Variants in CEP112 observed in about 807,000 individuals in gnomAD.
The protein encoded by CEP112 is centrosomal protein 112.
A neutral mutation model predicts 153.0 loss-of-function variants in CEP112; 127 were observed. The observed-to-expected ratio is 0.83, with a 90% CI of 0.72 to 0.96. The LOEUF is 0.96. Among genes scored for constraint, CEP112 ranks in the 40% least tolerant of loss-of-function variants. The probability of loss-of-function intolerance (pLI) is 0.00; values close to 1 mark genes in which losing one functional copy is unlikely to be tolerated. For missense variants in CEP112, 1,089 were observed against 1,101.2 expected (o/e 0.99, Z 0.16); for synonymous variants, 358 against 374.4 (o/e 0.96, Z 0.51).
chr17:65,735,743 C>T (rs181273072), intron 23 of CEP112, among the ~76,000 whole-genome samples: 115 of 152,244 alleles, frequency 7.6e-4, no homozygotes, highest in African/African-American at 2.7e-3. Flanking sequence ...TTTTACCCAC[C>T]ACTGCTTCTA....
chr17:65,953,780 T>A (rs980051158), intron 18 of CEP112, among the ~76,000 whole-genome samples: 5 of 151,936 alleles, frequency 3.3e-5, no homozygotes, highest in African/African-American at 1.2e-4. Flanking sequence ...CACACTCCCA[T>A]CCCCCGCAGC....
rs2066431808 is a variant in CEP112 at position 66,051,340 on chromosome 17, T to G, written c.1218+2396A>C. Among the ~76,000 whole-genome samples the G allele has an allele frequency of 2.0e-5, 3 of 149,158 alleles. No homozygotes were observed. The South Asian group carries it at 6.3e-4, about 31-fold the overall frequency. ...TCATTTTTGAACATAATATTAACAA[T>G]GATCTGAGTGTTTATTATTGTGTAT... On this transcript the variant is annotated intron_variant, in intron 12 of 26. Coordinates refer to ENST00000535342, the MANE Select transcript of CEP112 (RefSeq NM_001199165.4).
At chr17:65,920,359 C>CAAACAAACAAA (rs1178505560) in intron 19 of CEP112, among the ~76,000 whole-genome samples, 6 of 29,838 alleles carry the variant, frequency 2.0e-4, no homozygotes, top group African/African-American at 6.5e-4. Context: ...AACAAACAAA[C>CAAACAAACAAA]AAAATATATA....
chr17:66,161,615 A>G (rs1427617904), intron 4 of CEP112, among the ~76,000 whole-genome samples: 2 of 152,136 alleles, frequency 1.3e-5, no homozygotes, highest in Admixed American at 6.5e-5. Context: ...GTTCTCACTC[A>G]TAAGTGGGAG....
At chr17:65,712,479 C>G (rs2049247450) in intron 23 of CEP112, among the ~76,000 whole-genome samples, 1 of 151,396 alleles carries the variant, frequency 6.6e-6, no homozygotes. Flanking sequence ...GAAATAGTTT[C>G]AAGTACTTTT....
At chr17:65,642,906 T>G (rs1048356392) in intron 24 of CEP112, among the ~76,000 whole-genome samples, 1 of 152,236 alleles carries the variant, frequency 6.6e-6, no homozygotes, top group Non-Finnish European at 1.5e-5. Context: ...TATTTCCTTT[T>G]TAAACAAATT....
At chr17:66,139,303 T>C (rs577051131) in intron 4 of CEP112, among the ~76,000 whole-genome samples, 7 of 152,156 alleles carry the variant, frequency 4.6e-5, no homozygotes, top group African/African-American at 1.2e-4. Flanking sequence ...ACACTCAATT[T>C]AACAGAAATA....
chr17:66,050,613 G>A (rs1004264091), intron 12 of CEP112, among the ~76,000 whole-genome samples: 1 of 152,096 alleles, frequency 6.6e-6, no homozygotes, highest in Non-Finnish European at 1.5e-5. Flanking sequence ...AAATTACAAA[G>A]AAGAGTATAA....
At chr17:65,901,641 G>C (rs1327559713) in intron 20 of CEP112, among the ~76,000 whole-genome samples, 1 of 152,098 alleles carries the variant, frequency 6.6e-6, no homozygotes, top group Non-Finnish European at 1.5e-5. Flanking sequence ...GACCTGATGG[G>C]AAATAGCCCT....
intron 12 of CEP112, among the ~76,000 whole-genome samples, chr17:66,032,422 T>C (rs1448637142): frequency 6.6e-6 from 1 of 150,680 alleles, no homozygotes; most frequent in Non-Finnish European, 1.5e-5. Context: ...AGGAGTAAAA[T>C]AGATTGTCCA....
At position 65,729,421 on chromosome 17, in the gene CEP112, C is replaced by T. The variant is rs182965935; in HGVS notation, c.2607+13647G>A. Among the ~76,000 whole-genome samples, 21 of 152,000 alleles carry T rather than the reference C, an allele frequency of 1.4e-4. 1 individual carries two copies. The East Asian group carries it at 3.9e-3, about 28-fold the overall frequency. ...TATGAGGCTGGTGCAAAAGTAATTG[C>T]GGTTTTTGCCATTACCACAATTACT... On this transcript the variant is annotated intron_variant, in intron 23 of 26. Transcript: ENST00000535342.
Position 65,667,835 on chromosome 17 carries a change from G to A in CEP112, c.2697+21294C>T, listed in dbSNP as rs986323470. On this transcript the variant is annotated intron_variant, in intron 24 of 26. Coordinates refer to ENST00000535342, the MANE Select transcript of CEP112 (RefSeq NM_001199165.4). The stretch of plus-strand genomic sequence containing the variant: ...CCATGGAAGCTCACCTAGCAGTGAC[G>A]TCTGACCTGCAGCAGCCACTGTGCT... Among the ~76,000 whole-genome samples the A allele has an allele frequency of 7.9e-5, 12 of 151,654 alleles. No individual in the cohort carries two copies. In the South Asian group the frequency reaches 1.9e-3, roughly 24 times the overall value.
At chr17:65,920,404 TAATTATAA>T (rs2060677853) in intron 19 of CEP112, among the ~76,000 whole-genome samples, 3 of 111,370 alleles carry the variant, frequency 2.7e-5, no homozygotes, top group South Asian at 2.8e-4. Context: ...TATATATATA[TAATTATAA>T]TATATAATAT....
chr17:65,744,396 G>T (rs2051318421), intron 22 of CEP112, among the ~76,000 whole-genome samples: 1 of 151,986 alleles, frequency 6.6e-6, no homozygotes, highest in Non-Finnish European at 1.5e-5. Flanking sequence ...TGGGACTACA[G>T]GCCACCAGGC....
At chr17:65,646,344 T>A (rs986255396) in intron 24 of CEP112, among the ~76,000 whole-genome samples, 1 of 152,252 alleles carries the variant, frequency 6.6e-6, no homozygotes. Flanking sequence ...AATTACCTCA[T>A]GTGTGAGTGA....
chr17:65,954,813 A>C (rs1339582796), intron 18 of CEP112, among the ~76,000 whole-genome samples: 3 of 152,168 alleles, frequency 2.0e-5, no homozygotes, highest in Non-Finnish European at 4.4e-5. Context: ...ATCAAAGATG[A>C]AGAAAAAAGA....
chr17:65,654,155 G>A (rs545668376), intron 24 of CEP112, among the ~76,000 whole-genome samples: 113 of 150,748 alleles, frequency 7.5e-4, no homozygotes, highest in Non-Finnish European at 1.3e-3. Context: ...AAAATGTACC[G>A]CCTTCTAAGA....
intron 16 of CEP112, among the ~76,000 whole-genome samples, chr17:66,020,520 C>A (rs536974185): frequency 4.0e-4 from 61 of 152,320 alleles, no homozygotes; most frequent in African/African-American, 1.5e-3. Flanking sequence ...TAATGGGTAT[C>A]TGCTGAGTGA....
intron 23 of CEP112, among the ~76,000 whole-genome samples, chr17:65,692,281 T>G (rs930460647): frequency 4.1e-5 from 6 of 144,982 alleles, no homozygotes; most frequent in African/African-American, 1.6e-4. Context: ...CAGGCTGGAG[T>G]GCAGTGGCAC....
Sources: gnomAD v4.1 joint callset for allele counts (sites outside exome capture counted in the v4.1 genomes callset) on GRCh38, gnomAD v4.1.1 for gene constraint, MANE v1.5 for transcripts, NCBI Gene and HGNC (gene_info 2026-07-23, HGNC 2026-07-21) for gene names.